Variants in MYO6 observed in about 807,000 individuals in gnomAD.
The protein encoded by MYO6 is myosin VI.
MYO6 carries 74 observed loss-of-function variants against 178.7 expected under a neutral mutation model. The observed-to-expected ratio is 0.41, with a 90% confidence interval of 0.34 to 0.50. MYO6 has a LOEUF of 0.50. Among genes scored for constraint, MYO6 ranks in the 20% least tolerant of loss-of-function variants. The pLI is 0.09. For missense variants in MYO6, 1,330 were observed against 1,547.4 expected (o/e 0.86, Z 2.36); for synonymous variants, 477 against 504.6 (o/e 0.95, Z 0.73).
intron 30 of MYO6, among the ~76,000 whole-genome samples, chr6:75,903,264 C>G (rs1456407764): frequency 6.6e-6 from 1 of 151,952 alleles, no homozygotes; most frequent in African/African-American, 2.4e-5. Flanking sequence ...GAGCTGAGTT[C>G]AATTCCTGGG....
At chr6:75,892,138 T>G (rs1778950671) in intron 27 of MYO6, among the ~76,000 whole-genome samples, 1 of 152,234 alleles carries the variant, frequency 6.6e-6, no homozygotes, top group Admixed American at 6.5e-5. Context: ...CTCATGTATT[T>G]GAATTTCTGT....
chr6:75,804,935 A>G (rs976741931), intron 1 of MYO6, among the ~76,000 whole-genome samples: 2 of 147,616 alleles, frequency 1.4e-5, no homozygotes, highest in South Asian at 2.1e-4. Context: ...ATACACATAT[A>G]TACATATATA....
chr6:75,833,685 T>G (rs574931684), intron 6 of MYO6, among the ~76,000 whole-genome samples: 3 of 152,342 alleles, frequency 2.0e-5, no homozygotes, highest in African/African-American at 7.2e-5. Context: ...CATCCTTCCT[T>G]TTTAAGGCTG....
rs1486619495 is a variant in MYO6 at position 75,774,827 on chromosome 6, C to T, written c.-48+25404C>T. Among the ~76,000 whole-genome samples the T allele has an allele frequency of 2.6e-5, 4 of 151,650 alleles. No homozygotes were observed. In the East Asian group the frequency reaches 7.8e-4, roughly 29 times the overall value. On this transcript the variant is annotated intron_variant, in intron 1 of 34. Coordinates refer to ENST00000369977, the MANE Select transcript of MYO6 (RefSeq NM_004999.4). ...TTTTTTTTTTTGACGGAGTCTCACT[C>T]TGTCACCCAGGCTGGAGTGCAATGG...
intron 20 of MYO6, among the ~76,000 whole-genome samples, chr6:75,878,254 AAT>A (rs1777732419): frequency 6.6e-6 from 1 of 152,292 alleles, no homozygotes; most frequent in South Asian, 2.1e-4. Flanking sequence ...TATTCTTTTA[AAT>A]ATGTCATATC....
intron 7 of MYO6, 104 bp downstream of exon 7, chr6:75,836,060 T>C (rs1017127626): frequency 3.8e-6 from 3 of 784,920 alleles, no homozygotes; most frequent in Non-Finnish European, 6.9e-6. Flanking sequence ...AAGACTCTCT[T>C]ATCTCCTACT....
chr6:75,855,041 A>G lies in MYO6; in HGVS notation c.1079-98A>G, dbSNP rs1583282372. ...GTTACAAATAAGCCTTGCCTATTAT[A>G]TGGTTTTTTGTAAGTGAAGTATAAT... is the stretch of plus-strand genomic sequence containing the variant. On this transcript the variant is annotated intron_variant, in intron 11 of 34. Transcript: ENST00000369977. 7.3e-6 allele frequency: 8 copies of G among 1,102,298 alleles called. No homozygotes were observed. The East Asian group carries it at 1.3e-4, about 18-fold the overall frequency. 68.3% of individuals were successfully genotyped at this position (1,102,298 alleles called of 1,614,324 possible).
At chr6:75,848,290 G>C in intron 10 of MYO6, 61 bp from the exon 11 acceptor site, 2 of 1,442,604 alleles carry the variant, frequency 1.4e-6, no homozygotes, top group Non-Finnish European at 2.0e-6. Flanking sequence ...ACCTGGTGTA[G>C]TAGTTTTAGT....
chr6:75,867,328 A>G (rs772304782), intron 18 of MYO6: 14 of 433,870 alleles, frequency 3.2e-5, no homozygotes, highest in Non-Finnish European at 5.0e-5. Flanking sequence ...TTGGTTCTTA[A>G]CATATCTGAT....
At chr6:75,769,609 A>G (rs908300423) in intron 1 of MYO6, among the ~76,000 whole-genome samples, 28 of 152,238 alleles carry the variant, frequency 1.8e-4, no homozygotes, top group African/African-American at 6.8e-4. Flanking sequence ...TCTCAAGAAT[A>G]GAATTGAGTA....
chr6:75,890,597 G>A lies in MYO6; in HGVS notation c.2867+332G>A, dbSNP rs140665501. 0.013 allele frequency among the ~76,000 whole-genome samples: 2,018 copies of A among 152,174 alleles called. 77 individuals carry two copies. In the East Asian group the frequency reaches 0.15, roughly 11 times the overall value. On this transcript the variant is annotated intron_variant, in intron 26 of 34. Transcript: ENST00000369977. Reference sequence around the variant, plus strand: ...TGACCACAGGGGATCCACCCGCCTCGGCCTCCCAAAGCGCTTGGATTACAG... The same window carrying A: ...TGACCACAGGGGATCCACCCGCCTCAGCCTCCCAAAGCGCTTGGATTACAG...
chr6:75,765,170 C>CAAT (rs1778301740), intron 1 of MYO6, among the ~76,000 whole-genome samples: 1 of 57,684 alleles, frequency 1.7e-5, no homozygotes, highest in Non-Finnish European at 2.9e-5. Context: ...AAAAAAAAAG[C>CAAT]TTTTTTTTTT....
At chr6:75,796,483 A>G (rs1305740515) in intron 1 of MYO6, among the ~76,000 whole-genome samples, 5 of 152,126 alleles carry the variant, frequency 3.3e-5, no homozygotes, top group Non-Finnish European at 4.4e-5. Flanking sequence ...GGTTTGTTAC[A>G]TGGGTATACT....
At chr6:75,794,074 A>T (rs1319700366) in intron 1 of MYO6, among the ~76,000 whole-genome samples, 2 of 152,182 alleles carry the variant, frequency 1.3e-5, no homozygotes, top group East Asian at 3.8e-4. Flanking sequence ...TGTAGAAATA[A>T]AATTTTCTGT....
At chr6:75,767,916 CA>C (rs1778579227) in intron 1 of MYO6, 1 of 152,164 alleles carries the variant, frequency 6.6e-6, no homozygotes, top group South Asian at 2.1e-4. Context: ...AAAACACTTT[CA>C]CCATTTTTAA....
At chr6:75,752,440 G>A (rs1562106206) in intron 1 of MYO6, among the ~76,000 whole-genome samples, 1 of 152,184 alleles carries the variant, frequency 6.6e-6, no homozygotes, top group East Asian at 1.9e-4. Context: ...TAATGGTCTT[G>A]TCCTTTTACA....
rs1562291176 is a variant in MYO6 at position 75,890,218 on chromosome 6, T to C, written c.2820T>C (p.Arg940=). ...AAATGGAAAAGGAAAGAAAAAGACGTGAAGAAGACGAAAAACGTCGAAGAA... is the reference window on the plus strand; with the variant it reads ...AAATGGAAAAGGAAAGAAAAAGACGCGAAGAAGACGAAAAACGTCGAAGAA... ...QEEMEKERKR[R]EEDEKRRRKE... is the part of the protein sequence containing the mutation. The change falls in exon 26 of 35, where the codon CGT becomes CGC. Residue 940 remains arginine (R), a synonymous_variant. Transcript: ENST00000369977. 5 of 1,611,596 alleles carry C rather than the reference T, an allele frequency of 3.1e-6. No homozygotes were observed. Among genetic ancestry groups the C allele is most frequent in the Middle Eastern group, 1.7e-4 (1 of 6,046 alleles).
chr6:75,751,903 C>A (rs1439988584), intron 1 of MYO6, among the ~76,000 whole-genome samples: 1 of 152,038 alleles, frequency 6.6e-6, no homozygotes, highest in African/African-American at 2.4e-5. Context: ...GAAGAGTTTA[C>A]TAACCTCTGT....
chr6:75,755,432 T>A (rs1044235048), intron 1 of MYO6, among the ~76,000 whole-genome samples: 13 of 152,176 alleles, frequency 8.5e-5, no homozygotes, highest in African/African-American at 3.1e-4. Flanking sequence ...AAATGGTGAT[T>A]ATTAAATTGT....
Sources: allele counts gnomAD v4.1 joint callset (sites outside exome capture counted in the v4.1 genomes callset), GRCh38; gene constraint gnomAD v4.1.1; transcripts MANE v1.5; gene names NCBI Gene and HGNC (gene_info 2026-07-23, HGNC 2026-07-21).